Variants in EML4 observed in about 807,000 individuals in gnomAD.
EML4 encodes echinoderm microtubule-associated protein-like 4.
In EML4, 72 loss-of-function variants were observed where a neutral mutation model predicts 129.0. The ratio of observed to expected loss-of-function variants is 0.56; its 90% confidence interval spans 0.46 to 0.68. EML4 has a LOEUF of 0.68. EML4 is among the 30% of genes least tolerant of loss of function. EML4 has a pLI of 0.00. For missense variants in EML4, 1,363 were observed against 1,190.6 expected, an observed-to-expected ratio of 1.14 and a Z score of -2.13; for synonymous variants, 532 against 405.0, an observed-to-expected ratio of 1.31 and a Z score of -3.77.
At chr2:42,312,114 A>G (rs1056515904) in intron 17 of EML4, among the ~76,000 whole-genome samples, 2 of 152,218 alleles carry the variant, frequency 1.3e-5, no homozygotes, top group Admixed American at 6.5e-5. Context: ...GTATTCACAT[A>G]TGAAAGATAT....
intron 9 of EML4, among the ~76,000 whole-genome samples, chr2:42,285,540 A>G (rs1345670489): frequency 6.6e-6 from 1 of 152,128 alleles, no homozygotes; most frequent in Non-Finnish European, 1.5e-5. Flanking sequence ...TACTAAAAGC[A>G]AAAGTATCCG....
intron 19 of EML4, 60 bp downstream of exon 19, chr2:42,317,584 C>G: frequency 1.8e-6 from 2 of 1,105,110 alleles, no homozygotes. Flanking sequence ...CCGTTAAAAA[C>G]AAATTTTTAC....
chr2:42,232,207 G>A (rs1674390658), intron 1 of EML4, among the ~76,000 whole-genome samples: 1 of 152,116 alleles, frequency 6.6e-6, no homozygotes, highest in African/African-American at 2.4e-5. Flanking sequence ...GAAATGGCCA[G>A]GGTACATAAT....
At chr2:42,173,312 T>TA (rs1160811234) in intron 1 of EML4, among the ~76,000 whole-genome samples, 1 of 152,134 alleles carries the variant, frequency 6.6e-6, no homozygotes, top group East Asian at 1.9e-4. Context: ...GTTTTTTTTT[T>TA]AAACTTTTTT....
intron 1 of EML4, among the ~76,000 whole-genome samples, chr2:42,184,012 C>T (rs1252425864): frequency 6.6e-6 from 1 of 152,096 alleles, no homozygotes; most frequent in East Asian, 1.9e-4. Flanking sequence ...TACTTTGGTA[C>T]TTAAAGCAAT....
chr2:42,241,166 G>A (rs1049969340), intron 1 of EML4, among the ~76,000 whole-genome samples: 19 of 151,616 alleles, frequency 1.3e-4, no homozygotes, highest in African/African-American at 4.4e-4. Flanking sequence ...AAAAAAAAAA[G>A]CAAACAGATA....
At chr2:42,176,527 A>C (rs984948781) in intron 1 of EML4, among the ~76,000 whole-genome samples, 1 of 152,158 alleles carries the variant, frequency 6.6e-6, no homozygotes, top group African/African-American at 2.4e-5. Context: ...AAAATGACCT[A>C]TTTCTTATTC....
At chr2:42,301,012 T>G (rs1454600868) in intron 13 of EML4, among the ~76,000 whole-genome samples, 2 of 152,202 alleles carry the variant, frequency 1.3e-5, no homozygotes, top group Admixed American at 1.3e-4. Flanking sequence ...GAAAATATTT[T>G]GAAATATTTT....
chr2:42,180,923 C>G (rs1336122472), intron 1 of EML4, among the ~76,000 whole-genome samples: 1 of 152,170 alleles, frequency 6.6e-6, no homozygotes, highest in Admixed American at 6.5e-5. Context: ...TGGAAAGTTG[C>G]CCTCCAGTTG....
chr2:42,173,220 C>T (rs1157234482), intron 1 of EML4, among the ~76,000 whole-genome samples: 1 of 152,154 alleles, frequency 6.6e-6, no homozygotes, highest in African/African-American at 2.4e-5. Context: ...CTTAAAGGAA[C>T]AATGCTGTAT....
intron 1 of EML4, among the ~76,000 whole-genome samples, chr2:42,180,292 C>G (rs1301024539): frequency 6.6e-6 from 1 of 152,194 alleles, no homozygotes; most frequent in East Asian, 1.9e-4. Flanking sequence ...AAACATGTCT[C>G]TGGACCAGAG....
chr2:42,202,470 A>G (rs1043580632), intron 1 of EML4, among the ~76,000 whole-genome samples: 1 of 152,166 alleles, frequency 6.6e-6, no homozygotes, highest in African/African-American at 2.4e-5. Context: ...ATGTATATAT[A>G]AAAGGGAGTT....
intron 1 of EML4, among the ~76,000 whole-genome samples, chr2:42,223,649 T>C (rs570350857): frequency 6.6e-6 from 1 of 152,280 alleles, no homozygotes; most frequent in South Asian, 2.1e-4. Flanking sequence ...TTTGCTCTGC[T>C]TAGCCCAGAT....
intron 1 of EML4, among the ~76,000 whole-genome samples, chr2:42,192,250 G>A (rs1188684918): frequency 3.4e-5 from 5 of 149,084 alleles, no homozygotes; most frequent in African/African-American, 1.2e-4. Flanking sequence ...TTTTGGGGGG[G>A]GGAGGTGTAG....
rs1359735361 is a variant in EML4, at chr2:42,261,128, G to GA, written c.353dup (p.Lys119GlufsTer17). On this transcript the variant is annotated frameshift_variant, in exon 4 of 23. Transcript: ENST00000318522. LOFTEE classifies it high-confidence loss of function. ...TTATACTTTATTTTACAGTGGTACA[G>GA]AAAAAAAGAAAGAAAAACCACAAGG... 2 of 1,603,124 alleles carry GA rather than the reference G, an allele frequency of 1.2e-6. No homozygotes were observed. Among genetic ancestry groups the GA allele is most frequent in the East Asian group, 2.2e-5 (1 of 44,718 alleles).
chr2:42,263,404 T>A, intron 5 of EML4, 98 bp downstream of exon 5: 6 of 864,152 alleles, frequency 6.9e-6, no homozygotes, highest in East Asian at 4.3e-5. Context: ...GAATCTTTTT[T>A]TTTTTTTTTT....
At chr2:42,313,538 A>T (rs2103776836) in intron 17 of EML4, among the ~76,000 whole-genome samples, 1 of 152,260 alleles carries the variant, frequency 6.6e-6, no homozygotes, top group Admixed American at 6.5e-5. Context: ...AAAAAAAAAA[A>T]TCCTTCAAGC....
intron 13 of EML4, 145 bp downstream of exon 13, chr2:42,295,661 T>A (rs1667905478): frequency 6.3e-6 from 4 of 635,522 alleles, no homozygotes; most frequent in Non-Finnish European, 1.0e-5. Flanking sequence ...GCATTCTTCA[T>A]AATCTTTTTT....
At chr2:42,220,658 T>C (rs978435584) in intron 1 of EML4, among the ~76,000 whole-genome samples, 1 of 152,146 alleles carries the variant, frequency 6.6e-6, no homozygotes, top group African/African-American at 2.4e-5. Context: ...CGTTTCTCAC[T>C]TTAAATCAAA....
Sources: allele counts gnomAD v4.1 joint callset (sites outside exome capture counted in the v4.1 genomes callset), GRCh38; gene constraint gnomAD v4.1.1; transcripts MANE v1.5; gene names NCBI Gene and HGNC (gene_info 2026-07-23, HGNC 2026-07-21).